Variants in BAHCC1 observed in about 807,000 individuals in gnomAD.
The protein encoded by BAHCC1 is BAH domain and coiled-coil containing 1, also known as BAH and coiled-coil domain-containing protein 1.
Under a neutral mutation model 88.2 loss-of-function variants are expected in BAHCC1, and 43 were observed. The observed-to-expected ratio is 0.49, with a 90% CI of 0.38 to 0.63. The LOEUF (loss-of-function observed/expected upper bound fraction) is 0.63, where lower values mean the gene tolerates loss of function less well. BAHCC1 is among the 20% of genes least tolerant of loss of function. The pLI is 0.00. For missense variants in BAHCC1, 3,023 were observed against 1,654.8 expected (o/e 1.83, Z -14.34); for synonymous variants, 1,510 against 745.5 (o/e 2.03, Z -16.71).
In BAHCC1 at chr17:81,406,772, C is replaced by T. The variant is rs568005367; in HGVS notation, c.178+6855C>T. Among the ~76,000 whole-genome samples the T allele has an allele frequency of 1.1e-3, 160 of 152,306 alleles. 2 individuals are homozygous for T. The highest frequency in any genetic ancestry group is 1.5e-3 in the Admixed American group (23 of 15,308). ...TGCGCTGAGGGGATGTGGTGGCAGG[C>T]GCTGGGGGCAGGCGGCGCCCAGGTC... On this transcript the variant is annotated intron_variant, in intron 2 of 27. Coordinates refer to ENST00000675386, the MANE Select transcript of BAHCC1 (RefSeq NM_001377448.1).
intron 2 of BAHCC1, among the ~76,000 whole-genome samples, chr17:81,407,110 A>G (rs1555647045): frequency 1.3e-5 from 2 of 152,152 alleles, no homozygotes; most frequent in Non-Finnish European, 2.9e-5. Context: ...GGTCTGTGGG[A>G]GACCCACTGT....
In BAHCC1 at chr17:81,399,470, C is replaced by T; in HGVS notation, c.-206-64C>T. On this transcript the variant is annotated intron_variant, in intron 1 of 27. Coordinates refer to ENST00000675386, the MANE Select transcript of BAHCC1 (RefSeq NM_001377448.1). The surrounding 1 kb of genome is among the most constrained non-coding windows in gnomAD (Gnocchi z 4.5). ...GGGGGGAGTGGGTGAGCGGGCGGGG[C>T]GGGGACCCCCGGGCGAGCCGAGCCC... is the stretch of plus-strand genomic sequence containing the variant. The T allele has an allele frequency of 5.4e-6, 1 of 184,578 alleles. No individual in the cohort carries two copies. Among genetic ancestry groups the T allele is most frequent in the South Asian group, 6.3e-5 (1 of 15,792 alleles). The allele number at this position is 184,578 out of a possible 1,614,324, so 11.4% of individuals were successfully genotyped here.
In BAHCC1 at chr17:81,419,187, C is replaced by T. The variant is rs1254272527; in HGVS notation, c.179-7613C>T. Among the ~76,000 whole-genome samples the T allele has an allele frequency of 2.0e-5, 3 of 152,362 alleles. No homozygotes were observed. In the East Asian group the frequency reaches 5.8e-4, roughly 29 times the overall value. On this transcript the variant is annotated intron_variant, in intron 2 of 27. Coordinates refer to ENST00000675386, the MANE Select transcript of BAHCC1 (RefSeq NM_001377448.1). ...GCTGGGCCTCTAGCCCCTGCCACAG[C>T]AGCTTCTGGTCTCCTGGTGCGGGCG...
chr17:81,423,549 C>T (rs540883074), intron 2 of BAHCC1, among the ~76,000 whole-genome samples: 61 of 152,324 alleles, frequency 4.0e-4, no homozygotes, highest in Admixed American at 3.3e-3. Flanking sequence ...CCCTCTTTCC[C>T]GAGGGGGCAG....
chr17:81,457,348 C>T, intron 16 of BAHCC1, 62 bp from the exon 17 acceptor site: 1 of 714,864 alleles, frequency 1.4e-6, no homozygotes, highest in South Asian at 1.5e-5. Flanking sequence ...GGGTCACCTC[C>T]CCCACCTCTC....
At chr17:81,440,207 C>CG (rs777604087) in intron 4 of BAHCC1, among the ~76,000 whole-genome samples, 20 of 152,316 alleles carry the variant, frequency 1.3e-4, no homozygotes, top group Non-Finnish European at 1.6e-4. Flanking sequence ...AGCCCCAGCG[C>CG]GTGCAGTTAT....
In BAHCC1 at chr17:81,442,813, G is replaced by A; in HGVS notation, c.1464G>A (p.Leu488=). 1 of 779,464 alleles carries A rather than the reference G, an allele frequency of 1.3e-6. No homozygotes were observed. The highest frequency in any genetic ancestry group is 2.4e-5 in the East Asian group (1 of 41,266). The allele number at this position is 779,464 out of a possible 1,614,324, so 48.3% of individuals were successfully genotyped here. Reference sequence around the variant, plus strand: ...TCCCCGGACTCCCTAAAAGCGGTCTGGACAAAAGCGGCTACTTCGAGTTGC... The same window carrying A: ...TCCCCGGACTCCCTAAAAGCGGTCTAGACAAAAGCGGCTACTTCGAGTTGC... ...ASFPGLPKSG[L]DKSGYFELPT... Residue 488 remains leucine, a synonymous_variant, in exon 5 of 28, where the codon CTG becomes CTA. Coordinates refer to ENST00000675386, the MANE Select transcript of BAHCC1 (RefSeq NM_001377448.1).
In BAHCC1 at chr17:81,395,459, G is replaced by C. The variant is rs1282835719; in HGVS notation, c.-383G>C. On this transcript the variant is annotated 5_prime_UTR_variant, in exon 1 of 28. Transcript: ENST00000675386. ...GTATGCAGGGCCCGTGGCTCGCCGCGCCAGGCTGCAGGTTTGAGAGCCGCT... is the reference window on the plus strand; with the variant it reads ...GTATGCAGGGCCCGTGGCTCGCCGCCCCAGGCTGCAGGTTTGAGAGCCGCT... 6.6e-6 allele frequency: 1 copy of C among 152,258 alleles called. No individual in the cohort carries two copies. The highest frequency in any genetic ancestry group is 1.5e-5 in the Non-Finnish European group (1 of 68,054). The allele number at this position is 152,258 out of a possible 1,614,324, so 9.4% of individuals were successfully genotyped here.
In BAHCC1 at chr17:81,463,595, C is replaced by T. The variant is rs572729529; in HGVS notation, c.7621-16C>T. ...GCCAAGGCCGGCCACTGATGCCCCG[C>T]GCGCCTTGCCCCCAGAATGCGCTGT... On this transcript the variant is annotated splice_polypyrimidine_tract_variant and intron_variant, in intron 27 of 27. Coordinates refer to ENST00000675386, the MANE Select transcript of BAHCC1 (RefSeq NM_001377448.1). The T allele has an allele frequency of 2.6e-5, 20 of 779,176 alleles. No individual in the cohort carries two copies. Among genetic ancestry groups the T allele is most frequent in the South Asian group, 8.0e-5 (6 of 74,590 alleles). 48.3% of individuals were successfully genotyped at this position (779,176 alleles called of 1,614,324 possible). A position where few individuals can be genotyped will look rare whatever the true frequency, so the allele number is the denominator to read the frequency against.
chr17:81,458,019 C>T (rs2143636196), intron 17 of BAHCC1, 146 bp from the exon 18 acceptor site: 1 of 569,422 alleles, frequency 1.8e-6, no homozygotes. Context: ...GCTGGGTAAC[C>T]AGGAGGGGGA....
chr17:81,457,964 G>A (rs1186348982), intron 17 of BAHCC1, among the ~76,000 whole-genome samples: 2 of 139,088 alleles, frequency 1.4e-5, no homozygotes, highest in Non-Finnish European at 3.2e-5. Context: ...GGTAACCGGG[G>A]GGAGGGCAGG....
At chr17:81,447,901 C>T (rs886418830) in intron 11 of BAHCC1, 53 bp downstream of exon 11, 52 of 708,086 alleles carry the variant, frequency 7.3e-5, no homozygotes, top group Non-Finnish European at 9.9e-5. Flanking sequence ...GGGACCCACA[C>T]GCCTGCCTCA....
At chr17:81,449,089 G>C (rs113777213) in intron 11 of BAHCC1, among the ~76,000 whole-genome samples, 36 of 152,318 alleles carry the variant, frequency 2.4e-4, no homozygotes, top group African/African-American at 8.4e-4. Flanking sequence ...AATGCCTGCA[G>C]GACAGGAGCC....
Position 81,452,092 on chromosome 17 carries a change from G to T in BAHCC1, c.4301G>T (p.Arg1434Leu). ...EKQRELARLQ[R>L]KHDHERDESS... ...CAGCGGGAGCTGGCCCGCCTGCAGC[G>T]CAAGCACGACCATGAGTACGCCTGG... Residue 1434 changes from arginine to leucine, a missense_variant, in exon 13 of 28, where the codon CGC (arginine) becomes CTC (leucine). By Grantham distance (102) the Arg-to-Leu change is moderately radical. Transcript: ENST00000675386. 1 of 636,274 alleles carries T rather than the reference G, an allele frequency of 1.6e-6. No homozygotes were observed. 39.4% of individuals were successfully genotyped at this position (636,274 alleles called of 1,614,324 possible).
chr17:81,453,456 A>G (rs1364006781), intron 14 of BAHCC1, among the ~76,000 whole-genome samples: 11 of 152,260 alleles, frequency 7.2e-5, no homozygotes, highest in African/African-American at 2.7e-4. Flanking sequence ...TTAAATCGGC[A>G]CTAAATGGTT....
intron 11 of BAHCC1, among the ~76,000 whole-genome samples, chr17:81,450,454 G>A (rs986799755): frequency 1.9e-4 from 29 of 152,178 alleles, no homozygotes; most frequent in African/African-American, 7.0e-4. Context: ...CACTGCCTGG[G>A]CTGTTGGGCT....
At chr17:81,432,151 G>A (rs1402240442) in intron 3 of BAHCC1, among the ~76,000 whole-genome samples, 3 of 152,198 alleles carry the variant, frequency 2.0e-5, no homozygotes, top group African/African-American at 4.8e-5. Context: ...TCCCTCCCGT[G>A]TCCTGCAGCG....
chr17:81,456,520 G>A lies in BAHCC1; in HGVS notation c.4793G>A (p.Gly1598Asp). 1.4e-6 allele frequency: 1 copy of A among 716,238 alleles called. No individual in the cohort carries two copies. The highest frequency in any genetic ancestry group is 2.6e-6 in the Non-Finnish European group (1 of 384,732). The allele number at this position is 716,238 out of a possible 1,614,324, so 44.4% of individuals were successfully genotyped here. A position where few individuals can be genotyped will look rare whatever the true frequency, so the allele number is the denominator to read the frequency against. The change falls in exon 16 of 28, where the codon GGC (glycine) becomes GAC (aspartate). Residue 1598 changes from glycine to aspartate, a missense_variant. Transcript: ENST00000675386. The part of the protein sequence containing the change: ...SGATRHPQPK[G>D]HGSRETPRCP... ...GCCACACGGCACCCACAGCCCAAGGGCCACGGCAGCCGGGAGACACCCAGG... is the reference window on the plus strand; with the variant it reads ...GCCACACGGCACCCACAGCCCAAGGACCACGGCAGCCGGGAGACACCCAGG...
chr17:81,401,774 G>A (rs2063819945), intron 2 of BAHCC1: 1 of 152,458 alleles, frequency 6.6e-6, no homozygotes, highest in South Asian at 2.1e-4. Context: ...GGCAGGCTGG[G>A]GCTGTCCCCT....
Sources: allele counts gnomAD v4.1 joint callset (sites outside exome capture counted in the v4.1 genomes callset), GRCh38; gene constraint gnomAD v4.1.1; non-coding constraint Gnocchi (gnomAD v3.1); transcripts MANE v1.5; gene names NCBI Gene and HGNC (gene_info 2026-07-23, HGNC 2026-07-21).